ATXN1: variants seen among roughly 807,000 people sequenced by gnomAD.
ATXN1 encodes ataxin-1.
A neutral mutation model predicts 56.4 loss-of-function variants in ATXN1; 8 were observed. The ratio of observed to expected loss-of-function variants is 0.14; its 90% CI spans 0.08 to 0.26. The LOEUF is 0.26. Ranked by LOEUF, ATXN1 falls within the 10% of genes least tolerant of loss-of-function variation. ATXN1 has a pLI of 1.00. For synonymous variants in ATXN1, 514 were observed against 494.6 expected (o/e 1.04, Z -0.52); for missense variants, 987 against 1,106.5 (o/e 0.89, Z 1.53).
rs60830508 is a variant in ATXN1 at position 16,301,085 on chromosome 6, C to CTTT, written c.*5241_*5243dup. On this transcript the variant is annotated 3_prime_UTR_variant, in exon 8 of 8. Coordinates refer to ENST00000436367, the MANE Select transcript of ATXN1 (RefSeq NM_001128164.2). ...ACATGTAACTTTCAACCCTTCTCTG[C>CTTT]TTTTTTTTTTTTACAAACAAAGTAT... 38,057 of 146,368 alleles carry CTTT rather than the reference C, an allele frequency of 0.26. 5,941 individuals are homozygous for CTTT. Among genetic ancestry groups the CTTT allele is most frequent in the African/African-American group, 0.44 (17,807 of 40,162 alleles). The allele number at this position is 146,368 out of a possible 1,614,324, so 9.1% of individuals were successfully genotyped here.
intron 6 of ATXN1, among the ~76,000 whole-genome samples, chr6:16,444,892 C>T (rs959799867): frequency 6.6e-6 from 1 of 152,148 alleles, no homozygotes; most frequent in African/African-American, 2.4e-5. Context: ...CAAAACAATG[C>T]CTCTAGAACT....
At chr6:16,615,331 G>C (rs983842815) in intron 3 of ATXN1, 1 of 151,408 alleles carries the variant, frequency 6.6e-6, no homozygotes, top group Non-Finnish European at 1.5e-5. Flanking sequence ...CTTGAAAGTA[G>C]AGAGGAAAGG....
At chr6:16,530,581 C>T (rs111585013) in intron 4 of ATXN1, among the ~76,000 whole-genome samples, 59 of 151,754 alleles carry the variant, frequency 3.9e-4, no homozygotes, top group Non-Finnish European at 7.7e-4. Context: ...CTTAAGAGAA[C>T]ATCTACACTG....
chr6:16,646,329 G>A (rs900161746), intron 3 of ATXN1, among the ~76,000 whole-genome samples: 5 of 152,120 alleles, frequency 3.3e-5, no homozygotes, highest in African/African-American at 4.8e-5. Context: ...ACCTTCAGTG[G>A]CTCTCCGCCA....
rs144805699 is a variant in ATXN1 at position 16,396,569 on chromosome 6, G to A, written c.-160-68099C>T. The stretch of plus-strand genomic sequence containing the variant: ...TATAAAGTAAAAAAGTAAGCTGAGC[G>A]TGGTTAATTTATTATCAAAGAAAGA... On this transcript the variant is annotated intron_variant, in intron 6 of 7. Transcript: ENST00000436367. 9.7e-3 allele frequency among the ~76,000 whole-genome samples: 1,478 copies of A among 152,274 alleles called. 14 individuals carry two copies. Among genetic ancestry groups the A allele is most frequent in the Non-Finnish European group, 0.014 (935 of 68,026 alleles).
chr6:16,574,654 G>A (rs236922), intron 4 of ATXN1, among the ~76,000 whole-genome samples: 4,157 of 152,168 alleles, frequency 0.027, 170 homozygotes, highest in African/African-American at 0.094. Flanking sequence ...TACAGAAAGC[G>A]GCAAAAATAG....
chr6:16,430,797 A>G (rs1759266731), intron 6 of ATXN1, among the ~76,000 whole-genome samples: 1 of 151,874 alleles, frequency 6.6e-6, no homozygotes, highest in Admixed American at 6.6e-5. Context: ...TATTTCATCT[A>G]ACTCTCTTGA....
At chr6:16,450,205 A>G (rs192985661) in intron 6 of ATXN1, among the ~76,000 whole-genome samples, 3 of 152,370 alleles carry the variant, frequency 2.0e-5, no homozygotes, top group Non-Finnish European at 2.9e-5. Context: ...AAGAGAAGCA[A>G]AAGTTTACAA....
chr6:16,341,424 C>A (rs771679214), intron 6 of ATXN1, among the ~76,000 whole-genome samples: 22 of 152,022 alleles, frequency 1.4e-4, no homozygotes, highest in Non-Finnish European at 2.9e-4. Flanking sequence ...GAATAAGAAT[C>A]CCTAGATGTT....
intron 6 of ATXN1, among the ~76,000 whole-genome samples, chr6:16,412,143 T>C (rs916669292): frequency 1.3e-5 from 2 of 152,196 alleles, no homozygotes; most frequent in African/African-American, 4.8e-5. Flanking sequence ...TTCACTGAAT[T>C]GTGAACTATA....
chr6:16,465,546 G>C (rs568619785), intron 6 of ATXN1, among the ~76,000 whole-genome samples: 2 of 152,306 alleles, frequency 1.3e-5, no homozygotes, highest in South Asian at 4.1e-4. Flanking sequence ...AGGAGAGCCA[G>C]TTTTTTGGCC....
At chr6:16,386,182 T>C (rs1321666867) in intron 6 of ATXN1, among the ~76,000 whole-genome samples, 2 of 152,188 alleles carry the variant, frequency 1.3e-5, no homozygotes, top group African/African-American at 4.8e-5. Flanking sequence ...TATGCAAAAA[T>C]AATTAAGTGA....
intron 6 of ATXN1, among the ~76,000 whole-genome samples, chr6:16,341,799 G>GTGA (rs913511186): frequency 1.8e-4 from 27 of 151,602 alleles, no homozygotes; most frequent in Admixed American, 1.8e-3. Flanking sequence ...GATTATAGGC[G>GTGA]TGAGCCACCG....
intron 6 of ATXN1, among the ~76,000 whole-genome samples, chr6:16,468,706 C>G (rs6912665): frequency 0.18 from 27,751 of 152,122 alleles, 2,846 homozygotes; most frequent in South Asian, 0.29. Context: ...ACTCCCCTTT[C>G]TAAGCAGATT....
intron 2 of ATXN1, among the ~76,000 whole-genome samples, chr6:16,736,372 G>A (rs1348246013): frequency 6.6e-6 from 1 of 152,102 alleles, no homozygotes; most frequent in Non-Finnish European, 1.5e-5. Context: ...TGTATTTATT[G>A]GGCATTAGTT....
At position 16,760,566 on chromosome 6, in the gene ATXN1, G is replaced by A. The variant is rs1027996661; in HGVS notation, c.-730+732C>T. ...GCGGTCCCCGAGGCCACCCCTCTGC[G>A]CCCCCCGCCCGGCACCCGGCCGCGC... On this transcript the variant is annotated intron_variant, in intron 1 of 7. Transcript: ENST00000436367. This position sits in a 1 kb window ranked among gnomAD's most constrained non-coding sequence, Gnocchi z 5.3. 7.3e-5 allele frequency among the ~76,000 whole-genome samples: 11 copies of A among 151,070 alleles called. No individual in the cohort carries two copies. The highest frequency in any genetic ancestry group is 2.7e-4 in the African/African-American group (11 of 41,208).
intron 6 of ATXN1, among the ~76,000 whole-genome samples, chr6:16,348,611 C>T (rs2113456050): frequency 6.6e-6 from 1 of 152,152 alleles, no homozygotes; most frequent in South Asian, 2.1e-4. Flanking sequence ...AGAAGAATCA[C>T]TTGAACCCGC....
intron 6 of ATXN1, among the ~76,000 whole-genome samples, chr6:16,382,427 C>T (rs1426599559): frequency 6.6e-6 from 1 of 151,962 alleles, no homozygotes; most frequent in Non-Finnish European, 1.5e-5. Flanking sequence ...CGTGCCAGTG[C>T]TCTCCAGCCT....
chr6:16,336,248 G>A (rs180959032), intron 6 of ATXN1, among the ~76,000 whole-genome samples: 244 of 152,240 alleles, frequency 1.6e-3, no homozygotes, highest in African/African-American at 5.3e-3. Context: ...CCATGATGCG[G>A]GTTACACTCA....
Sources: allele counts gnomAD v4.1 joint callset (sites outside exome capture counted in the v4.1 genomes callset), GRCh38; gene constraint gnomAD v4.1.1; non-coding constraint Gnocchi (gnomAD v3.1); transcripts MANE v1.5; gene names NCBI Gene and HGNC (gene_info 2026-07-23, HGNC 2026-07-21).